FAM13C: variants seen among roughly 807,000 people sequenced by gnomAD.
FAM13C encodes the protein protein FAM13C.
A neutral mutation model predicts 73.2 loss-of-function variants in FAM13C; 37 were observed. That is an observed-to-expected ratio of 0.51 (90% CI 0.39 to 0.67). The LOEUF is 0.67. FAM13C is among the 30% of genes least tolerant of loss of function. The pLI is 0.00. For missense variants in FAM13C, 589 were observed against 715.6 expected, an observed-to-expected ratio of 0.82 and a Z score of 2.02; for synonymous variants, 246 against 260.9, an observed-to-expected ratio of 0.94 and a Z score of 0.55.
At chr10:59,290,826 C>G (rs1414716204) in intron 5 of FAM13C, among the ~76,000 whole-genome samples, 1 of 152,182 alleles carries the variant, frequency 6.6e-6, no homozygotes, top group East Asian at 1.9e-4. Context: ...GCCATTGTAT[C>G]TGAGTTTTGT....
intron 5 of FAM13C, among the ~76,000 whole-genome samples, chr10:59,300,108 C>T (rs907314205): frequency 3.9e-5 from 6 of 152,268 alleles, no homozygotes; most frequent in Admixed American, 2.0e-4. Flanking sequence ...GGATACGCTA[C>T]ACCATGTATC....
chr10:59,326,632 G>C (rs1251429923), intron 3 of FAM13C, among the ~76,000 whole-genome samples: 1 of 152,092 alleles, frequency 6.6e-6, no homozygotes, highest in Admixed American at 6.6e-5. Flanking sequence ...CATAAGAAAA[G>C]GAATAAAGAT....
At chr10:59,284,928 A>G (rs1317200537) in intron 5 of FAM13C, among the ~76,000 whole-genome samples, 2 of 151,774 alleles carry the variant, frequency 1.3e-5, no homozygotes, top group Admixed American at 6.6e-5. Flanking sequence ...CTCTCCTCAC[A>G]TAGACATCTA....
rs550188788 is a variant in FAM13C, at chr10:59,322,403, C to T, written c.443+1585G>A. On this transcript the variant is annotated intron_variant, in intron 4 of 13. Coordinates refer to ENST00000618804, the MANE Select transcript of FAM13C (RefSeq NM_198215.4). ...TCTGGAATGTTGCTAGGTCAGAAAG[C>T]TCAATTCTGTGAAAGTGGGACATGA... is the stretch of plus-strand genomic sequence containing the variant. Among the ~76,000 whole-genome samples the T allele has an allele frequency of 1.5e-4, 23 of 152,274 alleles. No individual in the cohort carries two copies. The South Asian group carries it at 4.8e-3, about 32-fold the overall frequency.
At chr10:59,340,964 T>C (rs1315872073) in intron 3 of FAM13C, among the ~76,000 whole-genome samples, 4 of 152,036 alleles carry the variant, frequency 2.6e-5, no homozygotes, top group African/African-American at 9.7e-5. Flanking sequence ...CTAAATCAAA[T>C]GTCAGTTTCA....
chr10:59,251,541 T>C (rs768824951), intron 13 of FAM13C, 34 bp downstream of exon 13: 1 of 1,562,290 alleles, frequency 6.4e-7, no homozygotes, highest in Admixed American at 1.7e-5. Context: ...CTCTAGGAAG[T>C]ATTAGCTTTA....
upstream of FAM13C, chr10:59,362,677 G>A: frequency 9.0e-7 from 1 of 1,116,666 alleles, no homozygotes; most frequent in Non-Finnish European, 1.2e-6. Context: ...TGCGGGGACA[G>A]AGCTGGGCGG....
intron 5 of FAM13C, among the ~76,000 whole-genome samples, chr10:59,288,342 C>A (rs1845832318): frequency 6.6e-6 from 1 of 152,062 alleles, no homozygotes; most frequent in African/African-American, 2.4e-5. Flanking sequence ...AAATATAAAA[C>A]TTTAGCCAGG....
chr10:59,273,289 C>T (rs1330781397), intron 6 of FAM13C, among the ~76,000 whole-genome samples: 1 of 152,078 alleles, frequency 6.6e-6, no homozygotes, highest in Admixed American at 6.6e-5. Flanking sequence ...TAAGATAAAG[C>T]ATAGAAACTA....
At chr10:59,341,136 T>C (rs1853451515) in intron 3 of FAM13C, among the ~76,000 whole-genome samples, 1 of 152,080 alleles carries the variant, frequency 6.6e-6, no homozygotes, top group African/African-American at 2.4e-5. Flanking sequence ...GGTCAGTGTT[T>C]CCTGGATTTA....
chr10:59,291,012 G>A (rs1846162274), intron 5 of FAM13C, among the ~76,000 whole-genome samples: 1 of 152,134 alleles, frequency 6.6e-6, no homozygotes, highest in African/African-American at 2.4e-5. Flanking sequence ...GGTTCAGTAG[G>A]TCTGAGGCAG....
At chr10:59,276,270 A>G (rs1411856235) in intron 6 of FAM13C, among the ~76,000 whole-genome samples, 1 of 152,214 alleles carries the variant, frequency 6.6e-6, no homozygotes, top group Non-Finnish European at 1.5e-5. Context: ...GTCATTTCCA[A>G]TCCCTGGAAG....
intron 3 of FAM13C, among the ~76,000 whole-genome samples, chr10:59,348,097 A>C (rs1854552707): frequency 1.3e-5 from 2 of 152,216 alleles, no homozygotes; most frequent in African/African-American, 4.8e-5. Flanking sequence ...TTGTGAAAAA[A>C]AAGAACCCCA....
intron 4 of FAM13C, among the ~76,000 whole-genome samples, chr10:59,303,356 T>A (rs190143590): frequency 5.3e-5 from 8 of 152,304 alleles, no homozygotes; most frequent in African/African-American, 1.7e-4. Context: ...CTTCCTCCTA[T>A]TGAAATTATA....
intron 5 of FAM13C, among the ~76,000 whole-genome samples, chr10:59,285,203 G>T (rs1379410797): frequency 6.6e-6 from 1 of 152,184 alleles, no homozygotes; most frequent in African/African-American, 2.4e-5. Flanking sequence ...TGCTGTCTGG[G>T]AGCCCATAGC....
intron 6 of FAM13C, among the ~76,000 whole-genome samples, chr10:59,279,732 T>G (rs1014345418): frequency 1.3e-5 from 2 of 152,256 alleles, no homozygotes; most frequent in African/African-American, 4.8e-5. Flanking sequence ...CTGGAAATAT[T>G]TGCTTCAGCT....
In FAM13C at chr10:59,246,813, A is replaced by G. The variant is rs1840749007; in HGVS notation, c.*801T>C. ...TTATATCATCTTATAGTAAACCAAAAGATTAGCAATAATACTATGGACACA... is the reference window on the plus strand; with the variant it reads ...TTATATCATCTTATAGTAAACCAAAGGATTAGCAATAATACTATGGACACA... On this transcript the variant is annotated 3_prime_UTR_variant, in exon 14 of 14. Transcript: ENST00000618804. 1 of 389,622 alleles carries G rather than the reference A, an allele frequency of 2.6e-6. No individual in the cohort carries two copies. The highest frequency in any genetic ancestry group is 4.4e-5 in the Admixed American group (1 of 22,554). 24.1% of individuals were successfully genotyped at this position (389,622 alleles called of 1,614,324 possible). A position where few individuals can be genotyped will look rare whatever the true frequency, so the allele number is the denominator to read the frequency against.
chr10:59,262,215 T>C (rs1842573857), intron 10 of FAM13C, among the ~76,000 whole-genome samples: 1 of 152,066 alleles, frequency 6.6e-6, no homozygotes, highest in African/African-American at 2.4e-5. Context: ...TTACTTCCTA[T>C]CAACACACAA....
intron 6 of FAM13C, among the ~76,000 whole-genome samples, chr10:59,274,139 G>C (rs1289687910): frequency 6.6e-6 from 1 of 152,096 alleles, no homozygotes; most frequent in East Asian, 1.9e-4. Context: ...GCCTCTCTCA[G>C]GACAGACAGC....
Sources: gnomAD v4.1 joint callset for allele counts (sites outside exome capture counted in the v4.1 genomes callset) on GRCh38, gnomAD v4.1.1 for gene constraint, MANE v1.5 for transcripts, NCBI Gene and HGNC (gene_info 2026-07-23, HGNC 2026-07-21) for gene names.